The following USP42 variants were observed in gnomAD, a reference collection of about 807,000 sequenced individuals.
USP42 encodes ubiquitin carboxyl-terminal hydrolase 42.
USP42 carries 23 observed loss-of-function variants against 113.0 expected under a neutral mutation model. The observed-to-expected ratio is 0.20, with a 90% CI of 0.15 to 0.29. USP42 has a LOEUF of 0.29. Ranked by LOEUF, USP42 falls within the 10% of genes least tolerant of loss-of-function variation. USP42 has a pLI of 1.00. For missense variants in USP42, 2,174 were observed against 1,779.8 expected, an observed-to-expected ratio of 1.22 and a Z score of -3.99; for synonymous variants, 933 against 699.0, an observed-to-expected ratio of 1.33 and a Z score of -5.28.
chr7:6,150,749 G>A (rs1308501568), intron 14 of USP42, among the ~76,000 whole-genome samples: 1 of 152,134 alleles, frequency 6.6e-6, no homozygotes, highest in Non-Finnish European at 1.5e-5. Context: ...CTCCTCCTGC[G>A]TGGCCACCTC....
intron 11 of USP42, among the ~76,000 whole-genome samples, chr7:6,146,699 C>T (rs757067053): frequency 1.3e-5 from 2 of 152,178 alleles, no homozygotes; most frequent in African/African-American, 2.4e-5. Flanking sequence ...TGCCATGTGC[C>T]TGGAGAGTAA....
In USP42 at chr7:6,159,972, CAAA is replaced by C. The variant is rs1192130884; in HGVS notation, c.*36+481_*36+483del. On this transcript the variant is annotated intron_variant, in intron 17 of 17. Coordinates refer to ENST00000306177, the MANE Select transcript of USP42 (RefSeq NM_032172.3). This position sits in a 1 kb window ranked among gnomAD's most constrained non-coding sequence, Gnocchi z 4.1. Reference sequence around the variant, plus strand: ...CAGCACCCCCCCAGCAGCCACCGTACAAAACCATAGGAAGGTGGCCCAGGGCCG... The same window carrying C: ...CAGCACCCCCCCAGCAGCCACCGTACACCATAGGAAGGTGGCCCAGGGCCG... Among the ~76,000 whole-genome samples, 2 of 152,256 alleles carry C rather than the reference CAAA, an allele frequency of 1.3e-5. No homozygotes were observed. The highest frequency in any genetic ancestry group is 4.8e-5 in the African/African-American group (2 of 41,468).
chr7:6,115,575 A>AT (rs1185904952), intron 3 of USP42, 52 bp downstream of exon 3: 1 of 1,579,088 alleles, frequency 6.3e-7, no homozygotes, highest in African/African-American at 1.3e-5. Context: ...ACCTACTTTC[A>AT]TTTTTTCCTC....
At chr7:6,129,880 T>G (rs561594097) in intron 3 of USP42, among the ~76,000 whole-genome samples, 1 of 150,928 alleles carries the variant, frequency 6.6e-6, no homozygotes, top group South Asian at 2.1e-4. Flanking sequence ...AAAAAAAGGT[T>G]TCTTTTATAT....
chr7:6,132,167 C>A (rs562769188), intron 3 of USP42, among the ~76,000 whole-genome samples: 1 of 152,210 alleles, frequency 6.6e-6, no homozygotes, highest in East Asian at 1.9e-4. Context: ...CTCAAGCGAT[C>A]CACCCGCCTT....
At chr7:6,106,545 A>C (rs1035796105) in intron 1 of USP42, among the ~76,000 whole-genome samples, 1 of 152,164 alleles carries the variant, frequency 6.6e-6, no homozygotes, top group African/African-American at 2.4e-5. Context: ...ATTCCTCCAC[A>C]CAGATCCAAC....
In USP42 at chr7:6,154,556, G is replaced by A; in HGVS notation, c.3002G>A (p.Gly1001Asp). 1 of 1,549,642 alleles carries A rather than the reference G, an allele frequency of 6.5e-7. No homozygotes were observed. Residue 1001 changes from glycine (G) to aspartate (D), a missense_variant, in exon 15 of 18, where the codon GGC (glycine) becomes GAC (aspartate). Gly to Asp is a moderately conservative substitution (Grantham distance 94). Transcript: ENST00000306177. Reference protein sequence around the residue: ...QDRHAPEHHPGHGDRLSPGER... With the variant: ...QDRHAPEHHPDHGDRLSPGER... Reference sequence around the variant, plus strand: ...CGCCACGCCCCGGAGCACCACCCCGGCCACGGCGACAGGCTCAGCCCTGGC... The same window carrying A: ...CGCCACGCCCCGGAGCACCACCCCGACCACGGCGACAGGCTCAGCCCTGGC...
chr7:6,123,750 A>G (rs990793224), intron 3 of USP42, among the ~76,000 whole-genome samples: 1 of 144,870 alleles, frequency 6.9e-6, no homozygotes, highest in Non-Finnish European at 1.5e-5. Flanking sequence ...CGGGAGGCCG[A>G]GGTAGGAGAA....
At chr7:6,084,235 C>G in the USP42 span, among the ~76,000 whole-genome samples, 1 of 151,136 alleles carries the variant, frequency 6.6e-6, no homozygotes, top group Non-Finnish European at 1.5e-5. Flanking sequence ...CCATGTTGAC[C>G]AGGCTGGTCT....
the USP42 span, among the ~76,000 whole-genome samples, chr7:6,095,843 G>A: frequency 6.6e-6 from 1 of 150,794 alleles, no homozygotes; most frequent in Non-Finnish European, 1.5e-5. Context: ...TCTCACTGCA[G>A]TCTACACCTC....
At chr7:6,142,767 T>G (rs896600949) in intron 7 of USP42, among the ~76,000 whole-genome samples, 165 bp from the exon 8 acceptor site, 2 of 152,016 alleles carry the variant, frequency 1.3e-5, no homozygotes, top group African/African-American at 4.8e-5. Flanking sequence ...TGCCTGTGGT[T>G]TAGCTGCTCG....
intron 1 of USP42, among the ~76,000 whole-genome samples, chr7:6,107,409 C>CTT (rs774259719): frequency 0.038 from 4,989 of 130,742 alleles, 186 homozygotes; most frequent in South Asian, 0.084. Context: ...TCTTCCTTTT[C>CTT]TTTTTTTTTT....
At chr7:6,132,287 G>T (rs570398628) in intron 3 of USP42, among the ~76,000 whole-genome samples, 15 of 152,190 alleles carry the variant, frequency 9.9e-5, no homozygotes, top group Admixed American at 3.3e-4. Flanking sequence ...TGCTGTGCCT[G>T]ATAAGAAGTC....
rs778515548 is a variant in USP42 at position 6,154,519 on chromosome 7, G to A, written c.2965G>A (p.Asp989Asn). 6.5e-7 allele frequency: 1 copy of A among 1,540,170 alleles called. No individual in the cohort carries two copies. Among genetic ancestry groups the A allele is most frequent in the Non-Finnish European group, 8.7e-7 (1 of 1,143,378 alleles). ...GCGCCGCACCTGCCCCCGGGAGCGCGACCGCCAGGACCGCCACGCCCCGGA... is the reference window on the plus strand; with the variant it reads ...GCGCCGCACCTGCCCCCGGGAGCGCAACCGCCAGGACCGCCACGCCCCGGA... The part of the protein sequence containing the change: ...RRRRTCPRER[D>N]RQDRHAPEHH... The change falls in exon 15 of 18, where the codon GAC becomes AAC. Residue 989 changes from aspartate (D) to asparagine (N), a missense_variant. Coordinates refer to ENST00000306177, the MANE Select transcript of USP42 (RefSeq NM_032172.3).
intron 1 of USP42, among the ~76,000 whole-genome samples, chr7:6,108,012 C>T (rs1410969647): frequency 6.6e-6 from 1 of 152,040 alleles, no homozygotes; most frequent in Non-Finnish European, 1.5e-5. Flanking sequence ...TAGTGAAACC[C>T]GGCTCCACTA....
intron 5 of USP42, 44 bp from the exon 6 acceptor site, chr7:6,140,084 T>C: frequency 6.4e-7 from 1 of 1,574,366 alleles, no homozygotes; most frequent in Non-Finnish European, 8.7e-7. Flanking sequence ...CATCTGGAGT[T>C]TTTGCAAAGC....
chr7:6,094,808 C>CTT, the USP42 span, among the ~76,000 whole-genome samples: 4 of 139,800 alleles, frequency 2.9e-5, 1 homozygote, highest in Admixed American at 7.2e-5. Flanking sequence ...TTCCACTTGG[C>CTT]TTTTTTTTTT....
chr7:6,154,786 C>T lies in USP42; in HGVS notation c.3232C>T (p.His1078Tyr), dbSNP rs903917652. Reference sequence around the variant, plus strand: ...CGCTGCCCGGGACTGGAAGCCCTTCCACGGCGGCCGCGAGCACGAGCGGGC... The same window carrying T: ...CGCTGCCCGGGACTGGAAGCCCTTCTACGGCGGCCGCGAGCACGAGCGGGC... ...LYAARDWKPF[H>Y]GGREHERAGL... The change falls in exon 15 of 18, where the codon CAC becomes TAC. Residue 1078 changes from histidine to tyrosine, a missense_variant. Physicochemically the swap from His to Tyr is moderately conservative, Grantham distance 83 (BLOSUM62 2). Transcript: ENST00000306177. 6.5e-7 allele frequency: 1 copy of T among 1,549,172 alleles called. No individual in the cohort carries two copies. The highest frequency in any genetic ancestry group is 1.4e-5 in the African/African-American group (1 of 72,904).
At chr7:6,124,238 C>G (rs1176387033) in intron 3 of USP42, among the ~76,000 whole-genome samples, 2 of 151,784 alleles carry the variant, frequency 1.3e-5, no homozygotes, top group South Asian at 4.2e-4. Flanking sequence ...TTATCTTTAA[C>G]TTATTTTTGT....
Sources: allele counts gnomAD v4.1 joint callset (sites outside exome capture counted in the v4.1 genomes callset), GRCh38; gene constraint gnomAD v4.1.1; non-coding constraint Gnocchi (gnomAD v3.1); transcripts MANE v1.5; gene names NCBI Gene and HGNC (gene_info 2026-07-23, HGNC 2026-07-21).